Variants in P2RX5 observed in about 807,000 individuals in gnomAD.
P2RX5 encodes the protein purinergic receptor P2X 5, also known as P2X purinoceptor 5.
A neutral mutation model predicts 54.1 loss-of-function variants in P2RX5; 46 were observed. That is an observed-to-expected ratio of 0.85 (90% CI 0.67 to 1.09). P2RX5 has a LOEUF of 1.09. Ranked by LOEUF, P2RX5 falls within the 50% of genes least tolerant of loss-of-function variation. The pLI is 0.00. For missense variants in P2RX5, 566 were observed against 549.8 expected, an observed-to-expected ratio of 1.03 and a Z score of -0.29; for synonymous variants, 226 against 226.4, an observed-to-expected ratio of 1.00 and a Z score of 0.02.
At chr17:3,692,085 G>A (rs755329080) in intron 1 of P2RX5, 57 of 430,806 alleles carry the variant, frequency 1.3e-4, no homozygotes, top group East Asian at 3.3e-4. Flanking sequence ...CAGGCAGATC[G>A]CAAGGTCAGG....
Position 3,690,427 on chromosome 17 carries a change from TCC to T in P2RX5, c.531_532del (p.Glu178GlyfsTer80), listed in dbSNP as rs1223124550. ...GGGTCCTGAGGCTGCAGCCACTCACTCCGGCCTGGAGCTTGTCTCCAACGGGC... is the reference window on the plus strand; with the variant it reads ...GGGTCCTGAGGCTGCAGCCACTCACTGGCCTGGAGCTTGTCTCCAACGGGC... On this transcript the variant is annotated frameshift_variant and splice_region_variant, in exon 5 of 12. Coordinates refer to ENST00000225328, the MANE Select transcript of P2RX5 (RefSeq NM_002561.4). LOFTEE classifies it high-confidence loss of function. 5.0e-6 allele frequency: 8 copies of T among 1,607,426 alleles called. No homozygotes were observed. Among genetic ancestry groups the T allele is most frequent in the Non-Finnish European group, 6.8e-6 (8 of 1,176,788 alleles).
In P2RX5 at chr17:3,673,758, C is replaced by A; in HGVS notation, c.*110G>T. The A allele has an allele frequency of 6.2e-7, 1 of 1,610,542 alleles. No homozygotes were observed. Among genetic ancestry groups the A allele is most frequent in the South Asian group, 1.1e-5 (1 of 90,640 alleles). On this transcript the variant is annotated 3_prime_UTR_variant, in exon 12 of 12. Coordinates refer to ENST00000225328, the MANE Select transcript of P2RX5 (RefSeq NM_002561.4). ...CCTGTGATGTGGCATTGATAGCACC[C>A]AATGTACAAATTTCCCGTTGGGCAG...
Position 3,673,540 on chromosome 17 carries a change from T to C in P2RX5, c.*328A>G, listed in dbSNP as rs745750423. On this transcript the variant is annotated 3_prime_UTR_variant, in exon 12 of 12. Transcript: ENST00000225328. Reference sequence around the variant, plus strand: ...GAACTCTACAGGGCACTGCGGTCCTTAGCTGAGGTGCTCAAGGACTCCGGA... The same window carrying C: ...GAACTCTACAGGGCACTGCGGTCCTCAGCTGAGGTGCTCAAGGACTCCGGA... The C allele has an allele frequency of 1.8e-5, 23 of 1,312,412 alleles. No homozygotes were observed. The highest frequency in any genetic ancestry group is 2.1e-5 in the Non-Finnish European group (21 of 1,023,032). The allele number at this position is 1,312,412 out of a possible 1,614,324, so 81.3% of individuals were successfully genotyped here. A position where few individuals can be genotyped will look rare whatever the true frequency, so the allele number is the denominator to read the frequency against.
chr17:3,688,867 C>G, intron 7 of P2RX5, 108 bp from the exon 8 acceptor site: 3 of 1,285,408 alleles, frequency 2.3e-6, no homozygotes, highest in Non-Finnish European at 2.2e-6. Flanking sequence ...TGCTCAGGCA[C>G]GAGGTCAGCC....
chr17:3,673,860 G>T lies in P2RX5; in HGVS notation c.*8C>A. On this transcript the variant is annotated 3_prime_UTR_variant, in exon 12 of 12. Transcript: ENST00000225328. ...TTAGGACAGGGCCTGAACGTAAGCA[G>T]AGGCAATTCACGTGCTCCTGGAATA... 1 of 1,613,190 alleles carries T rather than the reference G, an allele frequency of 6.2e-7. No homozygotes were observed. The highest frequency in any genetic ancestry group is 8.5e-7 in the Non-Finnish European group (1 of 1,179,960).
rs1281843709 is a variant in P2RX5 at position 3,696,155 on chromosome 17, C to T, written c.-150G>A. ...CGGGGTGTCCGGCAGGGCTGCGGGG[C>T]GCGGGGGCGGGTCGGGGCGGCCTTT... On this transcript the variant is annotated 5_prime_UTR_variant, in exon 1 of 12. Coordinates refer to ENST00000225328, the MANE Select transcript of P2RX5 (RefSeq NM_002561.4). The T allele has an allele frequency of 2.8e-6, 2 of 724,578 alleles. No individual in the cohort carries two copies. The highest frequency in any genetic ancestry group is 7.7e-5 in the East Asian group (2 of 26,042). 44.9% of individuals were successfully genotyped at this position (724,578 alleles called of 1,614,324 possible).
At position 3,691,680 on chromosome 17, in the gene P2RX5, C is replaced by G; in HGVS notation, c.252G>C (p.Arg84=). The part of the protein sequence containing the change: ...AFTNTSDLGQ[R]IWDVADYVIP... ...TGACGTAGTCGGCGACATCCCAGAT[C>G]CGCTGCCCAAGATCCGAGGTGTTGG... Residue 84 remains arginine, a synonymous_variant, in exon 2 of 12, where the codon CGG becomes CGC. Coordinates refer to ENST00000225328, the MANE Select transcript of P2RX5 (RefSeq NM_002561.4). 6.2e-7 allele frequency: 1 copy of G among 1,614,232 alleles called. No individual in the cohort carries two copies. Among genetic ancestry groups the G allele is most frequent in the Non-Finnish European group, 8.5e-7 (1 of 1,180,046 alleles).
At chr17:3,690,373 C>T in intron 5 of P2RX5, 54 bp downstream of exon 5, 1 of 1,395,696 alleles carries the variant, frequency 7.2e-7, no homozygotes, top group Non-Finnish European at 1.0e-6. Flanking sequence ...CAGGCTGGGA[C>T]CCACCGCACG....
In P2RX5 at chr17:3,688,734, T is replaced by C. The variant is rs150015493; in HGVS notation, c.779A>G (p.Glu260Gly). Residue 260 changes from glutamate to glycine, a missense_variant, in exon 8 of 12, where the codon GAA (glutamate) becomes GGA (glycine). By Grantham distance (98) the Glu-to-Gly change is moderately conservative. Coordinates refer to ENST00000225328, the MANE Select transcript of P2RX5 (RefSeq NM_002561.4). Reference protein sequence around the residue: ...LEGGVIGINIEWNCDLDKAAS... With the variant: ...LEGGVIGINIGWNCDLDKAAS... ...AGCTTTATCAAGATCACAGTTCCAT[T>C]CAATATTAATTCCTATCACGCCACC... is the stretch of plus-strand genomic sequence containing the variant. The C allele has an allele frequency of 1.1e-5, 18 of 1,613,842 alleles. No individual in the cohort carries two copies. The African/African-American group carries it at 2.3e-4, about 20-fold the overall frequency.
intron 5 of P2RX5, 31 bp from the exon 6 acceptor site, chr17:3,690,181 G>A (rs2050570527): frequency 1.9e-6 from 3 of 1,594,030 alleles, no homozygotes; most frequent in South Asian, 2.2e-5. Flanking sequence ...GCCTGTCCAG[G>A]AGGCCCCACC....
chr17:3,674,368 A>G (rs1281532110), intron 11 of P2RX5, among the ~76,000 whole-genome samples: 1 of 152,128 alleles, frequency 6.6e-6, no homozygotes, highest in African/African-American at 2.4e-5. Flanking sequence ...CATCAGAGTA[A>G]TGAGCTCCCA....
chr17:3,719,214 C>T, the P2RX5 span, among the ~76,000 whole-genome samples: 64,486 of 131,428 alleles, frequency 0.49, 15,817 homozygotes, highest in East Asian at 0.67. Context: ...CCAGCCTGGG[C>T]GACACAGTGA....
chr17:3,676,597 T>C (rs1394218234), intron 11 of P2RX5: 8 of 985,242 alleles, frequency 8.1e-6, no homozygotes, highest in Non-Finnish European at 9.6e-6. Context: ...AGAAATTGGC[T>C]CCATCCACCA....
Position 3,690,450 on chromosome 17 carries a change from C to A in P2RX5, c.510G>T (p.Pro170=), listed in dbSNP as rs764597134. 2 of 1,612,058 alleles carry A rather than the reference C, an allele frequency of 1.2e-6. No individual in the cohort carries two copies. The highest frequency in any genetic ancestry group is 1.3e-5 in the African/African-American group (1 of 74,864). ...ACTCCGGCCTGGAGCTTGTCTCCAACGGGCACCAGGCAAAGATCTCACAGG... is the reference window on the plus strand; with the variant it reads ...ACTCCGGCCTGGAGCTTGTCTCCAAAGGGCACCAGGCAAAGATCTCACAGG... ...RGTCEIFAWC[P]LETSSRPEEP... The change falls in exon 5 of 12, where the codon CCG becomes CCT. Residue 170 remains proline (P), a synonymous_variant. Coordinates refer to ENST00000225328, the MANE Select transcript of P2RX5 (RefSeq NM_002561.4).
At chr17:3,716,986 A>C in the P2RX5 span, 2 of 531,960 alleles carry the variant, frequency 3.8e-6, no homozygotes, top group Non-Finnish European at 6.7e-6. Context: ...AAACTATCCA[A>C]TCACCCAAAT....
At chr17:3,696,993 G>A (rs987393856), upstream of P2RX5, among the ~76,000 whole-genome samples, 3 of 152,126 alleles carry the variant, frequency 2.0e-5, no homozygotes, top group Non-Finnish European at 4.4e-5. Flanking sequence ...ACCTGAGGCT[G>A]CCTGTGTCTG....
At chr17:3,688,811 A>G in intron 7 of P2RX5, 52 bp from the exon 8 acceptor site, 2 of 1,606,050 alleles carry the variant, frequency 1.2e-6, no homozygotes, top group South Asian at 1.1e-5. Flanking sequence ...GGAGACGGAC[A>G]GCATCCCAGG....
chr17:3,681,916 G>A lies in P2RX5; in HGVS notation c.1044C>T (p.Asp348=). 1.1e-5 allele frequency: 18 copies of A among 1,613,494 alleles called. No individual in the cohort carries two copies. Among genetic ancestry groups the A allele is most frequent in the East Asian group, 2.2e-5 (1 of 44,890 alleles). Residue 348 remains aspartate (D), a synonymous_variant, in exon 10 of 12, where the codon GAC becomes GAT. Transcript: ENST00000225328. ...YLIKKREFYR[D]KKYEEVRGLE... ...CTGACCTCACTTCCTCGTACTTCTTGTCACGGTAAAACTCTCTCTTTTTGA... is the reference window on the plus strand; with the variant it reads ...CTGACCTCACTTCCTCGTACTTCTTATCACGGTAAAACTCTCTCTTTTTGA...
At chr17:3,699,035 G>A (rs2143003007), upstream of P2RX5, among the ~76,000 whole-genome samples, 1 of 123,556 alleles carries the variant, frequency 8.1e-6, no homozygotes, top group South Asian at 2.8e-4. Flanking sequence ...GCAAAACTTT[G>A]TCTATATATA....
Sources: gnomAD v4.1 joint callset for allele counts (sites outside exome capture counted in the v4.1 genomes callset) on GRCh38, gnomAD v4.1.1 for gene constraint, MANE v1.5 for transcripts, NCBI Gene and HGNC (gene_info 2026-07-23, HGNC 2026-07-21) for gene names.